Variants in NRXN1 observed in about 807,000 individuals in gnomAD.
The protein encoded by NRXN1 is neurexin 1.
In NRXN1, 39 loss-of-function variants were observed where a neutral mutation model predicts 150.9. The observed-to-expected ratio is 0.26, with a 90% confidence interval of 0.20 to 0.34. The LOEUF (loss-of-function observed/expected upper bound fraction) is 0.34. Among genes scored for constraint, NRXN1 ranks in the 10% least tolerant of loss-of-function variants. NRXN1 has a pLI of 1.00. For missense variants in NRXN1, 1,815 were observed against 1,949.9 expected (o/e 0.93, Z 1.30); for synonymous variants, 924 against 757.0 (o/e 1.22, Z -3.62).
intron 17 of NRXN1, among the ~76,000 whole-genome samples, chr2:50,382,994 C>A (rs983223990): frequency 8.5e-5 from 13 of 152,058 alleles, no homozygotes; most frequent in African/African-American, 3.1e-4. Flanking sequence ...ATTATCTTGC[C>A]TTTTTTTATT....
chr2:50,799,424 G>C (rs1707281715), intron 5 of NRXN1, among the ~76,000 whole-genome samples: 3 of 152,198 alleles, frequency 2.0e-5, no homozygotes, highest in Non-Finnish European at 4.4e-5. Flanking sequence ...GAGTGTGTGA[G>C]AACTGTCCAA....
At chr2:50,495,831 T>A (rs1316572816) in intron 15 of NRXN1, 74 bp downstream of exon 15, 1 of 1,366,748 alleles carries the variant, frequency 7.3e-7, no homozygotes, top group Non-Finnish European at 9.9e-7. Flanking sequence ...AACACACCCC[T>A]AAGCAAAGGA....
At chr2:49,987,757 A>T (rs1681176874) in intron 21 of NRXN1, among the ~76,000 whole-genome samples, 1 of 117,556 alleles carries the variant, frequency 8.5e-6, no homozygotes, top group Non-Finnish European at 2.0e-5. Flanking sequence ...AGATGAAACA[A>T]CGTTTTTTTT....
intron 2 of NRXN1, among the ~76,000 whole-genome samples, chr2:51,005,004 C>T (rs1471909573): frequency 1.3e-5 from 2 of 151,958 alleles, no homozygotes; most frequent in Non-Finnish European, 2.9e-5. Flanking sequence ...TATCTACATA[C>T]ATATCTACTA....
At chr2:50,219,977 T>TATA (rs1439936994) in intron 18 of NRXN1, among the ~76,000 whole-genome samples, 9 of 42,012 alleles carry the variant, frequency 2.1e-4, no homozygotes, top group African/African-American at 2.1e-3. Flanking sequence ...ATATATATAA[T>TATA]ATATATATTA....
intron 21 of NRXN1, 67 bp downstream of exon 21, chr2:50,053,204 A>G (rs909679019): frequency 1.3e-6 from 2 of 1,528,304 alleles, no homozygotes; most frequent in Non-Finnish European, 1.8e-6. Flanking sequence ...AAAGACGCAT[A>G]TGCAGAAAAG....
At chr2:50,312,151 G>C (rs7562269) in intron 17 of NRXN1, among the ~76,000 whole-genome samples, 40,872 of 152,002 alleles carry the variant, frequency 0.27, 7,087 homozygotes, top group East Asian at 0.54. Flanking sequence ...CTTCTCCTGA[G>C]AAAGACTCCT....
intron 5 of NRXN1, among the ~76,000 whole-genome samples, chr2:50,799,011 G>C (rs778466002): frequency 6.6e-6 from 1 of 152,124 alleles, no homozygotes; most frequent in Non-Finnish European, 1.5e-5. Context: ...ACCATTGAAA[G>C]TAATGACAAA....
intron 5 of NRXN1, among the ~76,000 whole-genome samples, chr2:50,627,615 GACACAC>G (rs142392248): frequency 1.7e-4 from 25 of 148,442 alleles, no homozygotes; most frequent in African/African-American, 5.9e-4. Context: ...GTCAGACACA[GACACAC>G]ACACACACAC....
chr2:50,952,125 C>T (rs996673221), intron 2 of NRXN1, among the ~76,000 whole-genome samples: 10 of 150,934 alleles, frequency 6.6e-5, no homozygotes, highest in Admixed American at 6.6e-4. Context: ...TGCCACTACG[C>T]CCAGCTAATT....
chr2:50,848,886 T>A (rs999343677), intron 5 of NRXN1, among the ~76,000 whole-genome samples: 5 of 152,126 alleles, frequency 3.3e-5, no homozygotes, highest in Non-Finnish European at 7.3e-5. Context: ...TTATAGGAAG[T>A]GGGCAAAGGA....
At chr2:49,935,900 C>A (rs1029527919) in intron 22 of NRXN1, among the ~76,000 whole-genome samples, 1 of 152,202 alleles carries the variant, frequency 6.6e-6, no homozygotes, top group Non-Finnish European at 1.5e-5. Context: ...TTCCTCCCTT[C>A]AAGGTGGTTA....
intron 17 of NRXN1, 178 bp downstream of exon 17, chr2:50,465,262 TAG>T: frequency 2.2e-6 from 1 of 445,698 alleles, no homozygotes; most frequent in Non-Finnish European, 3.7e-6. Flanking sequence ...TCACAGGATT[TAG>T]CCACTTTAAC....
chr2:50,389,238 T>C (rs141549499), intron 17 of NRXN1, among the ~76,000 whole-genome samples: 117 of 150,340 alleles, frequency 7.8e-4, no homozygotes, highest in African/African-American at 2.7e-3. Context: ...AAAATGGTGA[T>C]AAACAGACAG....
intron 17 of NRXN1, among the ~76,000 whole-genome samples, chr2:50,269,055 T>C (rs2069243756): frequency 1.3e-5 from 2 of 152,178 alleles, no homozygotes; most frequent in Non-Finnish European, 2.9e-5. Flanking sequence ...ATGGAAAGTA[T>C]AGTAAAAGCC....
chr2:50,363,683 C>T (rs761205702), intron 17 of NRXN1, among the ~76,000 whole-genome samples: 5 of 152,114 alleles, frequency 3.3e-5, no homozygotes, highest in African/African-American at 4.8e-5. Context: ...GACAGTGTGG[C>T]GATTCCTCAT....
chr2:50,753,948 C>T (rs1414999764), intron 5 of NRXN1, among the ~76,000 whole-genome samples: 1 of 121,722 alleles, frequency 8.2e-6, no homozygotes, highest in Non-Finnish European at 1.6e-5. Context: ...ATAAATTCAT[C>T]ATGACGATTT....
Position 50,230,725 on chromosome 2 carries a change from A to G in NRXN1, c.3546+6064T>C. Among the ~76,000 whole-genome samples, 2 of 152,082 alleles carry G rather than the reference A, an allele frequency of 1.3e-5. 1 individual carries two copies. Among genetic ancestry groups the G allele is most frequent in the Non-Finnish European group, 2.9e-5 (2 of 68,014 alleles). On this transcript the variant is annotated intron_variant, in intron 18 of 22. Coordinates refer to ENST00000401669, the MANE Select transcript of NRXN1 (RefSeq NM_001330078.2). Reference sequence around the variant, plus strand: ...ACCAAAAACATAGAGATTAAATGACACACTAAAGATGATGACCAGTAATTT... The same window carrying G: ...ACCAAAAACATAGAGATTAAATGACGCACTAAAGATGATGACCAGTAATTT...
At chr2:49,996,436 G>A (rs1375478400) in intron 21 of NRXN1, among the ~76,000 whole-genome samples, 9 of 152,136 alleles carry the variant, frequency 5.9e-5, no homozygotes, top group Admixed American at 5.2e-4. Context: ...TACATAGTAT[G>A]GTAGGCTAAA....
Sources: allele counts gnomAD v4.1 joint callset (sites outside exome capture counted in the v4.1 genomes callset), GRCh38; gene constraint gnomAD v4.1.1; transcripts MANE v1.5; gene names NCBI Gene and HGNC (gene_info 2026-07-23, HGNC 2026-07-21).